The following CENPP variants were observed in gnomAD, a reference collection of about 807,000 sequenced individuals.
CENPP encodes the protein centromere protein P.
Under a neutral mutation model 35.6 loss-of-function variants are expected in CENPP, and 24 were observed. The ratio of observed to expected loss-of-function variants is 0.67; its 90% CI spans 0.49 to 0.95. CENPP has a LOEUF of 0.95. Among genes scored for constraint, CENPP ranks in the 40% least tolerant of loss-of-function variants. The probability of loss-of-function intolerance (pLI) is 0.00; values close to 1 mark genes in which losing one functional copy is unlikely to be tolerated. For synonymous variants in CENPP, 120 were observed against 125.5 expected (o/e 0.96, Z 0.29); for missense variants, 332 against 345.3 (o/e 0.96, Z 0.31).
At chr9:92,425,785 C>G (rs974734520) in intron 5 of CENPP, among the ~76,000 whole-genome samples, 11 of 152,188 alleles carry the variant, frequency 7.2e-5, no homozygotes, top group Middle Eastern at 3.2e-3. Context: ...AGCCAAGATT[C>G]CATCTTGTTA....
rs1851466915 is a variant in CENPP, at chr9:92,617,147, T to A, written c.*3998T>A. 6.6e-6 allele frequency: 1 copy of A among 152,072 alleles called. No individual in the cohort carries two copies. The highest frequency in any genetic ancestry group is 1.9e-4 in the East Asian group (1 of 5,178). The allele number at this position is 152,072 out of a possible 1,614,324, so 9.4% of individuals were successfully genotyped here. A position where few individuals can be genotyped will look rare whatever the true frequency, so the allele number is the denominator to read the frequency against. On this transcript the variant is annotated 3_prime_UTR_variant, in exon 8 of 8. Coordinates refer to ENST00000375587, the MANE Select transcript of CENPP (RefSeq NM_001012267.3). ...CTCATTTACAAATTAAGGTCATGAG[T>A]CTCGCTCCAGAAGCTGGAGTGTGCC...
chr9:92,545,084 G>A (rs1429626831), intron 5 of CENPP, among the ~76,000 whole-genome samples: 1 of 152,150 alleles, frequency 6.6e-6, no homozygotes, highest in Non-Finnish European at 1.5e-5. Context: ...CAGCCTGCTG[G>A]CAGCCCTCGC....
intron 5 of CENPP, among the ~76,000 whole-genome samples, chr9:92,444,166 A>C (rs768691323): frequency 6.6e-6 from 1 of 152,188 alleles, no homozygotes; most frequent in East Asian, 1.9e-4. Flanking sequence ...TACTGAATCT[A>C]TTTTAATCAA....
chr9:92,408,223 G>A (rs1204256771), intron 5 of CENPP, among the ~76,000 whole-genome samples: 1 of 152,096 alleles, frequency 6.6e-6, no homozygotes, highest in Non-Finnish European at 1.5e-5. Context: ...GTCTTGCTCT[G>A]TCTCCAGGCT....
chr9:92,567,369 G>GAT (rs888840109), intron 5 of CENPP, among the ~76,000 whole-genome samples: 16,868 of 103,618 alleles, frequency 0.16, 1,453 homozygotes, highest in African/African-American at 0.26. Context: ...AGTTACATAA[G>GAT]ATAGATATAT....
At chr9:92,537,014 C>T (rs975628765) in intron 5 of CENPP, among the ~76,000 whole-genome samples, 5 of 151,548 alleles carry the variant, frequency 3.3e-5, no homozygotes, top group Admixed American at 6.6e-5. Context: ...GGCTTAAAGG[C>T]GCCTGCCACC....
At chr9:92,514,844 C>T in intron 5 of CENPP, 2 of 1,612,670 alleles carry the variant, frequency 1.2e-6, no homozygotes, top group Non-Finnish European at 1.7e-6. Flanking sequence ...TCCTCACCCT[C>T]CTCACCCTCC....
chr9:92,425,981 T>C (rs1373106818), intron 5 of CENPP, among the ~76,000 whole-genome samples: 1 of 152,196 alleles, frequency 6.6e-6, no homozygotes, highest in Non-Finnish European at 1.5e-5. Context: ...ACTCTGTGAT[T>C]TGGATTTATG....
rs780410496 is a variant in CENPP at position 92,611,319 on chromosome 9, G to C, written c.570G>C (p.Lys190Asn). 6.2e-6 allele frequency: 10 copies of C among 1,613,514 alleles called. No homozygotes were observed. The African/African-American group carries it at 1.2e-4, about 19-fold the overall frequency. ...RKRTFKHLKE[K>N]YPDAVYLSEG... The stretch of plus-strand genomic sequence containing the variant: ...CGTTTCTTCTCCCCATGCAGGAAAA[G>C]TACCCAGATGCCGTGTACCTCTCGG... Residue 190 changes from lysine (K) to asparagine (N), a missense_variant, in exon 6 of 8, where the codon AAG becomes AAC. Transcript: ENST00000375587.
At chr9:92,550,397 A>G (rs1341819380) in intron 5 of CENPP, among the ~76,000 whole-genome samples, 1 of 150,638 alleles carries the variant, frequency 6.6e-6, no homozygotes, top group African/African-American at 2.4e-5. Context: ...CTCTGTCTCA[A>G]AAAAAAAAAT....
At chr9:92,609,687 G>C (rs1046580967) in intron 5 of CENPP, among the ~76,000 whole-genome samples, 1 of 152,242 alleles carries the variant, frequency 6.6e-6, no homozygotes, top group Non-Finnish European at 1.5e-5. Flanking sequence ...TGTCACCCCT[G>C]ACCCTGCAAT....
intron 5 of CENPP, among the ~76,000 whole-genome samples, chr9:92,546,466 G>A (rs1849453972): frequency 1.3e-5 from 2 of 152,174 alleles, no homozygotes; most frequent in Non-Finnish European, 1.5e-5. Context: ...CGCTCCTGAA[G>A]CCAGCGAGTC....
chr9:92,554,019 A>G (rs1849667354), intron 5 of CENPP, among the ~76,000 whole-genome samples: 1 of 152,018 alleles, frequency 6.6e-6, no homozygotes, highest in African/African-American at 2.4e-5. Context: ...ACTTTTCCCC[A>G]TTCAGTATTA....
chr9:92,412,131 G>A (rs990454852), intron 5 of CENPP, among the ~76,000 whole-genome samples: 1 of 151,966 alleles, frequency 6.6e-6, no homozygotes, highest in African/African-American at 2.4e-5. Flanking sequence ...TCTATTGCCA[G>A]GGTGGAGTGC....
intron 5 of CENPP, among the ~76,000 whole-genome samples, chr9:92,581,269 T>G (rs1850418123): frequency 6.6e-6 from 1 of 152,160 alleles, no homozygotes; most frequent in Non-Finnish European, 1.5e-5. Context: ...TCTGGGGTGT[T>G]GGCAAGATTC....
chr9:92,517,770 C>A (rs1385310146), intron 5 of CENPP: 1 of 1,614,080 alleles, frequency 6.2e-7, no homozygotes, highest in Non-Finnish European at 8.5e-7. Context: ...GGTTTCATCA[C>A]AAAGAACTCT....
intron 2 of CENPP, among the ~76,000 whole-genome samples, chr9:92,332,563 T>C (rs1286227235): frequency 6.6e-6 from 1 of 152,222 alleles, no homozygotes; most frequent in Non-Finnish European, 1.5e-5. Flanking sequence ...AATCCCAGCT[T>C]TTGGGAGGCC....
chr9:92,358,330 C>T (rs1841648294), intron 4 of CENPP, among the ~76,000 whole-genome samples: 1 of 152,048 alleles, frequency 6.6e-6, no homozygotes, highest in Admixed American at 6.6e-5. Context: ...GCAACCTCCA[C>T]CTCATAGGTT....
intron 5 of CENPP, among the ~76,000 whole-genome samples, chr9:92,477,612 T>C (rs1278316807): frequency 2.0e-5 from 3 of 152,162 alleles, no homozygotes; most frequent in African/African-American, 7.2e-5. Flanking sequence ...CTGGAGTTAT[T>C]CAGTGGGCAT....
Sources: gnomAD v4.1 joint callset for allele counts (sites outside exome capture counted in the v4.1 genomes callset) on GRCh38, gnomAD v4.1.1 for gene constraint, MANE v1.5 for transcripts, NCBI Gene and HGNC (gene_info 2026-07-23, HGNC 2026-07-21) for gene names.